The following PDZK1IP1 variants were observed in gnomAD, a reference collection of about 807,000 sequenced individuals.
PDZK1IP1 encodes the protein PDZK1 interacting protein 1, also known as PDZK1-interacting protein 1.
Under a neutral mutation model 14.7 loss-of-function variants are expected in PDZK1IP1, and 9 were observed. The ratio of observed to expected loss-of-function variants is 0.61; its 90% CI spans 0.37 to 1.07. PDZK1IP1 has a LOEUF of 1.07. Among genes scored for constraint, PDZK1IP1 ranks in the 50% least tolerant of loss-of-function variants. The pLI is 0.01. For missense variants in PDZK1IP1, 152 were observed against 148.7 expected (o/e 1.02, Z -0.11); for synonymous variants, 70 against 61.2 (o/e 1.14, Z -0.67).
intron 1 of PDZK1IP1, 100 bp downstream of exon 1, chr1:47,189,766 C>T: frequency 1.2e-6 from 1 of 825,346 alleles, no homozygotes; most frequent in Non-Finnish European, 1.8e-6. Flanking sequence ...GTCCCTGCTC[C>T]CCCTCCAAAC....
chr1:47,188,244 G>A (rs1021255386), intron 1 of PDZK1IP1, among the ~76,000 whole-genome samples: 1 of 152,170 alleles, frequency 6.6e-6, no homozygotes, highest in Non-Finnish European at 1.5e-5. Flanking sequence ...GGGCTCAGGC[G>A]AGCCTCTGGC....
At position 47,185,184 on chromosome 1, in the gene PDZK1IP1, C is replaced by T. The variant is rs1162414010; in HGVS notation, c.177-87G>A. ...ATTCTGGGTCCTGGTTCTCACAAGCCCGAAGGCTAGCAACTGCCCTTCCCA... is the reference window on the plus strand; with the variant it reads ...ATTCTGGGTCCTGGTTCTCACAAGCTCGAAGGCTAGCAACTGCCCTTCCCA... On this transcript the variant is annotated intron_variant, in intron 2 of 3. Transcript: ENST00000294338. The T allele has an allele frequency of 3.9e-6, 4 of 1,032,740 alleles. No homozygotes were observed. In the African/African-American group the frequency reaches 4.7e-5, roughly 12 times the overall value. The allele number at this position is 1,032,740 out of a possible 1,614,324, so 64.0% of individuals were successfully genotyped here.
intron 3 of PDZK1IP1, among the ~76,000 whole-genome samples, chr1:47,184,537 C>T (rs1569851456): frequency 4.6e-5 from 4 of 87,302 alleles, no homozygotes; most frequent in South Asian, 3.7e-4. Context: ...GAGCTCCATC[C>T]CCCACTGAGC....
Position 47,183,595 on chromosome 1 carries a change from G to GTAGCCGTATCATTAAAAAA in PDZK1IP1, c.*375_*376insTTTTTTAATGATACGGCTA. 4.4e-6 allele frequency: 1 copy of GTAGCCGTATCATTAAAAAA among 225,400 alleles called. No homozygotes were observed. Among genetic ancestry groups the GTAGCCGTATCATTAAAAAA allele is most frequent in the Admixed American group, 5.2e-5 (1 of 19,388 alleles). The allele number at this position is 225,400 out of a possible 1,614,324, so 14.0% of individuals were successfully genotyped here. A position where few individuals can be genotyped will look rare whatever the true frequency, so the allele number is the denominator to read the frequency against. On this transcript the variant is annotated 3_prime_UTR_variant, in exon 4 of 4. Coordinates refer to ENST00000294338, the MANE Select transcript of PDZK1IP1 (RefSeq NM_005764.4). The stretch of plus-strand genomic sequence containing the variant: ...CAGAAAGCAAGATGGGGACTCACTG[G>GTAGCCGTATCATTAAAAAA]AAGCCTGAGGGGCTGTTGCTGAGCC...
chr1:47,185,241 G>A, intron 2 of PDZK1IP1, 144 bp from the exon 3 acceptor site: 1 of 655,892 alleles, frequency 1.5e-6, no homozygotes, highest in Non-Finnish European at 2.8e-6. Flanking sequence ...GTCAGCCGCG[G>A]CTACTGGCCC....
chr1:47,184,279 TGAGCCCATCCCCCACC>T (rs1365044276), intron 3 of PDZK1IP1, among the ~76,000 whole-genome samples: 2 of 150,830 alleles, frequency 1.3e-5, no homozygotes, highest in African/African-American at 4.9e-5. Context: ...TGGGTCCTAC[TGAGCCCATCCCCCACC>T]GAGCCCATCC....
At chr1:47,185,550 G>A (rs1645314109) in intron 2 of PDZK1IP1, among the ~76,000 whole-genome samples, 1 of 152,108 alleles carries the variant, frequency 6.6e-6, no homozygotes, top group South Asian at 2.1e-4. Context: ...CCTGCAGTGT[G>A]GGCTCTCCCT....
chr1:47,185,548 G>T (rs1435906719), intron 2 of PDZK1IP1, among the ~76,000 whole-genome samples: 2 of 152,148 alleles, frequency 1.3e-5, no homozygotes, highest in African/African-American at 4.8e-5. Context: ...CCCCTGCAGT[G>T]TGGGCTCTCC....
rs776124450 is a variant in PDZK1IP1, at chr1:47,190,011, G to T, written c.-79C>A. The stretch of plus-strand genomic sequence containing the variant: ...GCTGCTGTGGAGTCTATTGGTGTCC[G>T]CCTGAAATCAACCTGGGCTCAGTCT... On this transcript the variant is annotated 5_prime_UTR_variant, in exon 1 of 4. Transcript: ENST00000294338. The T allele has an allele frequency of 1.7e-6, 2 of 1,148,646 alleles. No individual in the cohort carries two copies. The highest frequency in any genetic ancestry group is 2.8e-5 in the Admixed American group (1 of 35,886). 71.2% of individuals were successfully genotyped at this position (1,148,646 alleles called of 1,614,324 possible).
chr1:47,189,945 T>A lies in PDZK1IP1; in HGVS notation c.-13A>T, dbSNP rs780370938. ...TGAGGGCCGACATGGCTGCAGCAGC[T>A]CCTAGCCTTGCTTCTGGCCGCCGGT... On this transcript the variant is annotated 5_prime_UTR_variant, in exon 1 of 4. Coordinates refer to ENST00000294338, the MANE Select transcript of PDZK1IP1 (RefSeq NM_005764.4). The A allele has an allele frequency of 1.9e-6, 3 of 1,580,582 alleles. No homozygotes were observed. In the Admixed American group the frequency reaches 5.2e-5, roughly 28 times the overall value.
At chr1:47,186,164 C>T (rs1295671169) in intron 2 of PDZK1IP1, among the ~76,000 whole-genome samples, 2 of 151,964 alleles carry the variant, frequency 1.3e-5, no homozygotes, top group African/African-American at 4.8e-5. Context: ...AAAAATTAGC[C>T]AGGCGTGGTG....
chr1:47,186,035 G>T (rs949804229), intron 2 of PDZK1IP1, among the ~76,000 whole-genome samples: 2 of 152,202 alleles, frequency 1.3e-5, no homozygotes, highest in Non-Finnish European at 2.9e-5. Flanking sequence ...TGGAGGCAGG[G>T]CATGGTGGCT....
In PDZK1IP1 at chr1:47,183,751, G is replaced by A. The variant is rs1378823251; in HGVS notation, c.*220C>T. The A allele has an allele frequency of 1.3e-5, 8 of 599,906 alleles. No homozygotes were observed. The highest frequency in any genetic ancestry group is 2.4e-5 in the Non-Finnish European group (8 of 336,780). 37.2% of individuals were successfully genotyped at this position (599,906 alleles called of 1,614,324 possible). A position where few individuals can be genotyped will look rare whatever the true frequency, so the allele number is the denominator to read the frequency against. On this transcript the variant is annotated 3_prime_UTR_variant, in exon 4 of 4. Transcript: ENST00000294338. ...CCTCTCCAGAAGGCTCTTCTGAGCT[G>A]AGCAGGAGACCCCAGGGCCACAGCC...
chr1:47,188,994 AG>A (rs748122276), intron 1 of PDZK1IP1, among the ~76,000 whole-genome samples: 1 of 152,178 alleles, frequency 6.6e-6, no homozygotes, highest in East Asian at 1.9e-4. Context: ...ATGCACATAC[AG>A]CAAGGGGCAG....
intron 3 of PDZK1IP1, 71 bp downstream of exon 3, chr1:47,184,931 A>T: frequency 7.9e-7 from 1 of 1,259,602 alleles, no homozygotes. Context: ...ACCTCCCCCC[A>T]GCAGCACCTG....
At chr1:47,188,890 C>G (rs909206572) in intron 1 of PDZK1IP1, among the ~76,000 whole-genome samples, 1 of 152,188 alleles carries the variant, frequency 6.6e-6, no homozygotes, top group African/African-American at 2.4e-5. Flanking sequence ...GGAGTTAGGG[C>G]TCAACCCTTG....
At chr1:47,184,107 C>T (rs999256260) in intron 3 of PDZK1IP1, 64 bp from the exon 4 acceptor site, 12 of 1,224,852 alleles carry the variant, frequency 9.8e-6, no homozygotes, top group Non-Finnish European at 1.4e-5. Context: ...CTTCTCCCTG[C>T]CCCTTCCTGC....
chr1:47,187,548 G>A (rs1239444356), intron 1 of PDZK1IP1, 121 bp from the exon 2 acceptor site: 6 of 733,534 alleles, frequency 8.2e-6, no homozygotes, highest in East Asian at 2.7e-5. Flanking sequence ...CAGCTGCCAG[G>A]AGCAAGGAGA....
Position 47,183,688 on chromosome 1 carries a change from G to A in PDZK1IP1, c.*283C>T. 2 of 462,568 alleles carry A rather than the reference G, an allele frequency of 4.3e-6. No homozygotes were observed. The highest frequency in any genetic ancestry group is 7.7e-6 in the Non-Finnish European group (2 of 261,080). The allele number at this position is 462,568 out of a possible 1,614,324, so 28.7% of individuals were successfully genotyped here. A position where few individuals can be genotyped will look rare whatever the true frequency, so the allele number is the denominator to read the frequency against. On this transcript the variant is annotated 3_prime_UTR_variant, in exon 4 of 4. Coordinates refer to ENST00000294338, the MANE Select transcript of PDZK1IP1 (RefSeq NM_005764.4). ...GGGCCATTTCCATAGTTATGGGGAAGGACGTGTGAGCAGGATGGGAGGTGC... is the reference window on the plus strand; with the variant it reads ...GGGCCATTTCCATAGTTATGGGGAAAGACGTGTGAGCAGGATGGGAGGTGC...
Sources: gnomAD v4.1 joint callset for allele counts (sites outside exome capture counted in the v4.1 genomes callset) on GRCh38, gnomAD v4.1.1 for gene constraint, MANE v1.5 for transcripts, NCBI Gene and HGNC (gene_info 2026-07-23, HGNC 2026-07-21) for gene names.